ARHGEF4: variants seen among roughly 807,000 people sequenced by gnomAD.
The protein encoded by ARHGEF4 is APC-stimulated guanine nucleotide exchange factor 1.
In ARHGEF4, 119 loss-of-function variants were observed where a neutral mutation model predicts 162.0. The observed-to-expected ratio is 0.73, with a 90% confidence interval of 0.63 to 0.86. The LOEUF (loss-of-function observed/expected upper bound fraction) is 0.86, where lower values mean the gene tolerates loss of function less well. Among genes scored for constraint, ARHGEF4 ranks in the 40% least tolerant of loss-of-function variants. The probability of loss-of-function intolerance (pLI) is 0.00; values close to 1 mark genes in which losing one functional copy is unlikely to be tolerated. For synonymous variants in ARHGEF4, 1,014 were observed against 979.9 expected (o/e 1.03, Z -0.65); for missense variants, 2,488 against 2,456.0 (o/e 1.01, Z -0.28).
At chr2:130,851,846 G>A (rs34455095) in intron 1 of ARHGEF4, among the ~76,000 whole-genome samples, 17,302 of 152,240 alleles carry the variant, frequency 0.11, 1,085 homozygotes, top group South Asian at 0.22. Flanking sequence ...ATGAGACATC[G>A]TGAGTGAATG....
chr2:130,911,639 G>A (rs1263599997), intron 1 of ARHGEF4, among the ~76,000 whole-genome samples: 2 of 152,168 alleles, frequency 1.3e-5, no homozygotes, highest in South Asian at 2.1e-4. Context: ...GTGCAGCTGC[G>A]CAGACTACAC....
At chr2:131,041,173 C>G in intron 8 of ARHGEF4, 57 bp from the exon 9 acceptor site, 1 of 1,515,994 alleles carries the variant, frequency 6.6e-7, no homozygotes. Context: ...ACACATGCAG[C>G]TGGATTGCCT....
intron 4 of ARHGEF4, among the ~76,000 whole-genome samples, chr2:131,005,604 A>G (rs1688068947): frequency 6.6e-6 from 1 of 151,982 alleles, no homozygotes; most frequent in Admixed American, 6.6e-5. Flanking sequence ...AGGCTGCCCT[A>G]GTCTTCCCAG....
At chr2:131,032,374 T>C (rs1689910138) in intron 5 of ARHGEF4, among the ~76,000 whole-genome samples, 1 of 151,942 alleles carries the variant, frequency 6.6e-6, no homozygotes, top group Non-Finnish European at 1.5e-5. Context: ...CTCCAGGTGT[T>C]TTTGTCTTCC....
At chr2:130,988,929 GAGAGAGAA>G (rs1277738991) in intron 4 of ARHGEF4, among the ~76,000 whole-genome samples, 111 of 147,816 alleles carry the variant, frequency 7.5e-4, no homozygotes, top group African/African-American at 2.6e-3. Context: ...GAGAGAGAGA[GAGAGAGAA>G]AGATTCCAAA....
intron 5 of ARHGEF4, among the ~76,000 whole-genome samples, chr2:131,037,789 T>G (rs1032997212): frequency 3.9e-5 from 6 of 152,170 alleles, no homozygotes; most frequent in Non-Finnish European, 7.3e-5. Context: ...GGCACTCTGC[T>G]GGTTATTTGA....
intron 2 of ARHGEF4, among the ~76,000 whole-genome samples, chr2:130,926,014 C>CTCTTTCTTTCTTTCTTTCTT (rs1553514612): frequency 2.1e-5 from 2 of 97,204 alleles, no homozygotes; most frequent in Admixed American, 1.0e-4. Flanking sequence ...TTGGTTTTCT[C>CTCTTTCTTTCTTTCTTTCTT]TCTTTCTTTC....
At chr2:131,031,296 C>T (rs1398010671) in intron 5 of ARHGEF4, among the ~76,000 whole-genome samples, 1 of 152,250 alleles carries the variant, frequency 6.6e-6, no homozygotes, top group Non-Finnish European at 1.5e-5. Context: ...TGCAAACCCT[C>T]TGGCCTGGAG....
In ARHGEF4 at chr2:130,916,675, C is replaced by G. The variant is rs1200627553; in HGVS notation, c.2729C>G (p.Ala910Gly). ...TTEKKLRARLALAHKTFSNFI... is the reference protein window; with the variant it reads ...TTEKKLRARLGLAHKTFSNFI... ...GAGAAAAAACTCAGGGCAAGGTTGG[C>G]CTTGGCTCATAAGACCTTTTCAAAC... The change falls in exon 2 of 14, where the codon GCC (alanine) becomes GGC (glycine). Residue 910 changes from alanine (A) to glycine (G), a missense_variant. Ala to Gly is a moderately conservative substitution (Grantham distance 60). Around this residue, in one of 6 missense-constraint regions of ARHGEF4, gnomAD observed 1,642 missense variants for 1,481.5 expected, o/e 1.11. Coordinates refer to ENST00000409359, the MANE Select transcript of ARHGEF4 (RefSeq NM_001367493.1). 9.0e-6 allele frequency: 14 copies of G among 1,550,612 alleles called. No individual in the cohort carries two copies. The highest frequency in any genetic ancestry group is 1.0e-5 in the Non-Finnish European group (12 of 1,146,998).
At chr2:130,962,872 C>T (rs1351640718) in intron 4 of ARHGEF4, among the ~76,000 whole-genome samples, 1 of 152,206 alleles carries the variant, frequency 6.6e-6, no homozygotes, top group Non-Finnish European at 1.5e-5. Flanking sequence ...GCTATCACGA[C>T]TGCCCCTCAA....
chr2:131,015,983 C>T (rs565218711), intron 4 of ARHGEF4, among the ~76,000 whole-genome samples: 5 of 152,328 alleles, frequency 3.3e-5, no homozygotes, highest in Admixed American at 2.6e-4. Context: ...CCGTTTTGCC[C>T]GGGCAGGGAC....
At chr2:130,905,428 T>C (rs1408519536) in intron 1 of ARHGEF4, among the ~76,000 whole-genome samples, 8 of 151,882 alleles carry the variant, frequency 5.3e-5, no homozygotes, top group Non-Finnish European at 8.9e-5. Context: ...AATGACTCTT[T>C]ATCATAATTT....
chr2:131,034,165 G>A (rs144641675), intron 5 of ARHGEF4, among the ~76,000 whole-genome samples: 4 of 152,218 alleles, frequency 2.6e-5, no homozygotes, highest in Non-Finnish European at 4.4e-5. Flanking sequence ...CCCTCTGTGC[G>A]CCCCTCCCTG....
chr2:131,043,238 G>A (rs1690956947), intron 10 of ARHGEF4, among the ~76,000 whole-genome samples: 1 of 152,164 alleles, frequency 6.6e-6, no homozygotes, highest in Admixed American at 6.5e-5. Context: ...ACAGCCACCA[G>A]AGGCCACTGG....
chr2:130,881,042 G>A (rs1313120222), intron 1 of ARHGEF4, among the ~76,000 whole-genome samples: 1 of 152,102 alleles, frequency 6.6e-6, no homozygotes, highest in Non-Finnish European at 1.5e-5. Flanking sequence ...TGTTGTTGTT[G>A]TTGTTGTTGA....
At chr2:130,985,880 A>G (rs1320757108) in intron 4 of ARHGEF4, among the ~76,000 whole-genome samples, 6 of 150,240 alleles carry the variant, frequency 4.0e-5, no homozygotes, top group African/African-American at 1.5e-4. Context: ...CGTGGTGTGT[A>G]TTGTATATGT....
intron 2 of ARHGEF4, among the ~76,000 whole-genome samples, chr2:130,927,373 T>C (rs1213922953): frequency 2.0e-5 from 3 of 152,178 alleles, no homozygotes; most frequent in Non-Finnish European, 4.4e-5. Context: ...AGGGCCTCAC[T>C]AACACTGGCA....
rs372780452 is a variant in ARHGEF4 at position 130,946,615 on chromosome 2, C to T, written c.3965C>T (p.Pro1322Leu). ...ACGGGACTGAACCACATGGGCTGGC[C>T]AGAGCACACACCAGGCACTGGTGAG... ...APTGLNHMGW[P>L]EHTPGTAMPD... The change falls in exon 4 of 14, where the codon CCA becomes CTA. Residue 1322 changes from proline to leucine, a missense_variant. Coordinates refer to ENST00000409359, the MANE Select transcript of ARHGEF4 (RefSeq NM_001367493.1). 1.0e-4 allele frequency: 162 copies of T among 1,613,940 alleles called. No homozygotes were observed. In the South Asian group the frequency reaches 1.7e-3, roughly 17 times the overall value.
intron 4 of ARHGEF4, among the ~76,000 whole-genome samples, chr2:131,013,392 A>C (rs1688594180): frequency 6.6e-6 from 1 of 152,208 alleles, no homozygotes; most frequent in African/African-American, 2.4e-5. Flanking sequence ...ACCAGCCAGC[A>C]TAAAAGGCCG....
Sources: gnomAD v4.1 joint callset for allele counts (sites outside exome capture counted in the v4.1 genomes callset) on GRCh38, gnomAD v4.1.1 for gene constraint, gnomAD v4.1.1 regional missense constraint, MANE v1.5 for transcripts, NCBI Gene and HGNC (gene_info 2026-07-23, HGNC 2026-07-21) for gene names.